NCK2: variants seen among roughly 807,000 people sequenced by gnomAD.
The protein encoded by NCK2 is cytoplasmic protein NCK2.
In NCK2, 16 loss-of-function variants were observed where a neutral mutation model predicts 33.9. The observed-to-expected ratio is 0.47, with a 90% confidence interval of 0.32 to 0.72. NCK2 has a LOEUF of 0.72. Among genes scored for constraint, NCK2 ranks in the 30% least tolerant of loss-of-function variants. The probability of loss-of-function intolerance (pLI) is 0.03; values close to 1 mark genes in which losing one functional copy is unlikely to be tolerated. For synonymous variants in NCK2, 273 were observed against 239.9 expected, an observed-to-expected ratio of 1.14 and a Z score of -1.27; for missense variants, 418 against 537.3, an observed-to-expected ratio of 0.78 and a Z score of 2.19.
chr2:105,843,050 A>G (rs1017874262), intron 2 of NCK2, among the ~76,000 whole-genome samples: 1 of 152,182 alleles, frequency 6.6e-6, no homozygotes, highest in African/African-American at 2.4e-5. Context: ...CTTAAGTTCT[A>G]GTTAAGTATA....
chr2:105,817,299 A>G (rs1390331293), intron 2 of NCK2, among the ~76,000 whole-genome samples: 1 of 152,212 alleles, frequency 6.6e-6, no homozygotes, highest in Non-Finnish European at 1.5e-5. Flanking sequence ...CTGTGATGCA[A>G]CATGTGGATT....
chr2:105,873,208 C>T (rs1015403011), intron 3 of NCK2, among the ~76,000 whole-genome samples: 2 of 152,174 alleles, frequency 1.3e-5, no homozygotes, highest in African/African-American at 2.4e-5. Context: ...TGTCTGAAAT[C>T]GATTTGTACC....
chr2:105,861,858 C>T (rs1423657327), intron 3 of NCK2, among the ~76,000 whole-genome samples: 3 of 151,500 alleles, frequency 2.0e-5, no homozygotes, highest in African/African-American at 7.3e-5. Flanking sequence ...CCACAAGAAT[C>T]ATGCTCAGCA....
rs766392719 is a variant in NCK2, at chr2:105,882,034, G to A, written c.933G>A (p.Arg311=). 13 of 1,500,176 alleles carry A rather than the reference G, an allele frequency of 8.7e-6. No homozygotes were observed. The highest frequency in any genetic ancestry group is 1.8e-4 in the Middle Eastern group (1 of 5,556). 92.9% of individuals were successfully genotyped at this position (1,500,176 alleles called of 1,614,324 possible). Residue 311 remains arginine (R), a synonymous_variant, in exon 4 of 5, where the codon AGG becomes AGA. Coordinates refer to ENST00000233154, the MANE Select transcript of NCK2 (RefSeq NM_003581.5). ...GCGTGGAGGGCGACTTCCTCATTAG[G>A]GACAGCGAGTCCTCGGTAAGTGCGC... ...ERGVEGDFLI[R]DSESSPSDFS...
At chr2:105,819,070 G>T (rs1030356320) in intron 2 of NCK2, among the ~76,000 whole-genome samples, 2 of 152,132 alleles carry the variant, frequency 1.3e-5, no homozygotes, top group Admixed American at 6.5e-5. Flanking sequence ...TTGATTTAGG[G>T]TGTTGTGTGT....
At chr2:105,805,041 C>T (rs1435624568) in intron 1 of NCK2, among the ~76,000 whole-genome samples, 1 of 152,216 alleles carries the variant, frequency 6.6e-6, no homozygotes, top group East Asian at 1.9e-4. Context: ...TGGGCCTCCC[C>T]ATATGGGTAT....
At chr2:105,788,180 T>G (rs949929858) in intron 1 of NCK2, among the ~76,000 whole-genome samples, 1 of 152,112 alleles carries the variant, frequency 6.6e-6, no homozygotes, top group Non-Finnish European at 1.5e-5. Flanking sequence ...CTAGATAAGT[T>G]TTTTCATCAG....
intron 1 of NCK2, among the ~76,000 whole-genome samples, chr2:105,754,093 GTC>G (rs749657700): frequency 2.6e-5 from 4 of 152,208 alleles, no homozygotes; most frequent in Admixed American, 1.3e-4. Context: ...TGAGTCTGGC[GTC>G]TCTGTTGGGA....
chr2:105,813,590 G>A (rs1033563023), intron 1 of NCK2, among the ~76,000 whole-genome samples: 1 of 152,192 alleles, frequency 6.6e-6, no homozygotes, highest in African/African-American at 2.4e-5. Context: ...ACAGGCATTG[G>A]GGATGCAGAA....
intron 1 of NCK2, among the ~76,000 whole-genome samples, chr2:105,755,858 A>C (rs1689586047): frequency 6.6e-6 from 1 of 152,234 alleles, no homozygotes; most frequent in African/African-American, 2.4e-5. Context: ...GTTCAGCCTG[A>C]TAATTTTTGA....
intron 1 of NCK2, among the ~76,000 whole-genome samples, chr2:105,775,412 T>C (rs1690267455): frequency 1.3e-5 from 2 of 152,256 alleles, no homozygotes; most frequent in South Asian, 2.1e-4. Flanking sequence ...TAGATAATTA[T>C]TTTTAACCGA....
Position 105,880,896 on chromosome 2 carries a change from T to C in NCK2, c.227-432T>C, listed in dbSNP as rs941869560. 6.8e-5 allele frequency among the ~76,000 whole-genome samples: 10 copies of C among 147,356 alleles called. No homozygotes were observed. The East Asian group carries it at 1.6e-3, about 24-fold the overall frequency. On this transcript the variant is annotated intron_variant, in intron 3 of 4. Transcript: ENST00000233154. ...CAAGCCATCCTCCCACCTCAGCCTCTCCAGTAGCTGGGGCCACAGATGTGC... is the reference window on the plus strand; with the variant it reads ...CAAGCCATCCTCCCACCTCAGCCTCCCCAGTAGCTGGGGCCACAGATGTGC...
chr2:105,773,710 C>T (rs576592867), intron 1 of NCK2, among the ~76,000 whole-genome samples: 5 of 152,220 alleles, frequency 3.3e-5, no homozygotes, highest in African/African-American at 9.6e-5. Flanking sequence ...ACTATTTGAG[C>T]ACCTACTCTG....
chr2:105,860,645 G>C (rs1677488059), intron 3 of NCK2, among the ~76,000 whole-genome samples: 1 of 152,046 alleles, frequency 6.6e-6, no homozygotes, highest in Non-Finnish European at 1.5e-5. Context: ...GATTTGAGCA[G>C]GGGCATCCCA....
intron 1 of NCK2, among the ~76,000 whole-genome samples, chr2:105,793,655 C>T (rs115290788): frequency 0.019 from 2,857 of 152,312 alleles, 52 homozygotes; most frequent in Non-Finnish European, 0.022. Flanking sequence ...ATTTAAGATA[C>T]TTTGTGTGTA....
chr2:105,799,237 C>G (rs867858705), intron 1 of NCK2, among the ~76,000 whole-genome samples: 1 of 150,782 alleles, frequency 6.6e-6, no homozygotes, highest in African/African-American at 2.4e-5. Context: ...ATTCATCCCT[C>G]TTTTATGGTT....
At chr2:105,770,857 C>G (rs1690112374) in intron 1 of NCK2, among the ~76,000 whole-genome samples, 1 of 152,194 alleles carries the variant, frequency 6.6e-6, no homozygotes, top group Admixed American at 6.5e-5. Flanking sequence ...CTTATCATTT[C>G]AATCTTCAGT....
At chr2:105,821,280 C>T (rs761540303) in intron 2 of NCK2, among the ~76,000 whole-genome samples, 7 of 152,166 alleles carry the variant, frequency 4.6e-5, no homozygotes, top group Non-Finnish European at 1.0e-4. Flanking sequence ...ATTTTTTACA[C>T]GCAAAGCCCA....
At chr2:105,775,732 G>A (rs1459309911) in intron 1 of NCK2, among the ~76,000 whole-genome samples, 1 of 152,122 alleles carries the variant, frequency 6.6e-6, no homozygotes, top group African/African-American at 2.4e-5. Context: ...GAGCCTGGCT[G>A]GCATCACTGG....
Sources: gnomAD v4.1 joint callset for allele counts (sites outside exome capture counted in the v4.1 genomes callset) on GRCh38, gnomAD v4.1.1 for gene constraint, MANE v1.5 for transcripts, NCBI Gene and HGNC (gene_info 2026-07-23, HGNC 2026-07-21) for gene names.